Variants in ITPR2 observed in about 807,000 individuals in gnomAD.
ITPR2 encodes the protein inositol 1,4,5-trisphosphate-gated calcium channel ITPR2.
A neutral mutation model predicts 317.1 loss-of-function variants in ITPR2; 207 were observed. The ratio of observed to expected loss-of-function variants is 0.65; its 90% CI spans 0.58 to 0.73. The LOEUF (loss-of-function observed/expected upper bound fraction) is 0.73. Ranked by LOEUF, ITPR2 falls within the 30% of genes least tolerant of loss-of-function variation. The pLI, the probability that ITPR2 is intolerant of heterozygous loss-of-function variation, is 0.00. For synonymous variants in ITPR2, 1,156 were observed against 1,149.1 expected (o/e 1.01, Z -0.12); for missense variants, 2,613 against 3,284.0 (o/e 0.80, Z 4.99).
chr12:26,826,674 G>C (rs909892648), intron 1 of ITPR2, among the ~76,000 whole-genome samples: 1 of 152,158 alleles, frequency 6.6e-6, no homozygotes, highest in Non-Finnish European at 1.5e-5. Context: ...TTAACTTCTA[G>C]GTGTTGGTTC....
intron 2 of ITPR2, among the ~76,000 whole-genome samples, chr12:26,782,031 TATGTATAG>T (rs1278613596): frequency 4.0e-3 from 84 of 20,894 alleles, no homozygotes; most frequent in East Asian, 8.6e-3. Flanking sequence ...TATATATATA[TATGTATAG>T]AGAGAGAGAG....
chr12:26,590,800 T>A (rs955008191), intron 32 of ITPR2, among the ~76,000 whole-genome samples: 2 of 151,932 alleles, frequency 1.3e-5, no homozygotes, highest in Non-Finnish European at 1.5e-5. Context: ...AGGCTTCAGG[T>A]CGGGCACAGT....
intron 5 of ITPR2, chr12:26,721,257 C>T: frequency 1.9e-6 from 1 of 524,194 alleles, no homozygotes; most frequent in East Asian, 3.0e-5. Context: ...CATCACATTC[C>T]TGCATGCCAT....
chr12:26,531,283 T>G (rs1242615771), intron 37 of ITPR2, among the ~76,000 whole-genome samples: 1 of 152,212 alleles, frequency 6.6e-6, no homozygotes, highest in Non-Finnish European at 1.5e-5. Flanking sequence ...TTTCAATAAA[T>G]GTACTGAGGG....
chr12:26,784,490 G>A (rs1950172863), intron 2 of ITPR2, among the ~76,000 whole-genome samples: 1 of 150,968 alleles, frequency 6.6e-6, no homozygotes, highest in South Asian at 2.1e-4. Context: ...GCCTGCGCAC[G>A]CCGCCACGCC....
At chr12:26,569,690 T>A (rs1453218648) in intron 34 of ITPR2, among the ~76,000 whole-genome samples, 2 of 151,964 alleles carry the variant, frequency 1.3e-5, no homozygotes, top group East Asian at 3.8e-4. Flanking sequence ...GCACAAGAAG[T>A]GACAGTTCAC....
rs78538669 is a variant in ITPR2 at position 26,378,173 on chromosome 12, T to A, written c.7857+9261A>T. 9.9e-4 allele frequency among the ~76,000 whole-genome samples: 150 copies of A among 152,102 alleles called. 4 individuals carry two copies. The East Asian group carries it at 0.028, about 29-fold the overall frequency. ...TACTGATGAAGAATAAACACTCCAA[T>A]AAATATAAAAACAATTTAAGGTCAG... On this transcript the variant is annotated intron_variant, in intron 55 of 56. Coordinates refer to ENST00000381340, the MANE Select transcript of ITPR2 (RefSeq NM_002223.4).
At chr12:26,378,305 A>G (rs575793710) in intron 55 of ITPR2, among the ~76,000 whole-genome samples, 1 of 152,202 alleles carries the variant, frequency 6.6e-6, no homozygotes, top group East Asian at 1.9e-4. Flanking sequence ...CCATGACTGC[A>G]AAGAGCCAGA....
At chr12:26,688,791 A>G (rs1432729673) in intron 10 of ITPR2, among the ~76,000 whole-genome samples, 1 of 152,170 alleles carries the variant, frequency 6.6e-6, no homozygotes, top group African/African-American at 2.4e-5. Context: ...TCTTCTGAAA[A>G]AGTTATCTTG....
chr12:26,774,208 G>C (rs796584695), intron 2 of ITPR2, among the ~76,000 whole-genome samples: 28 of 152,004 alleles, frequency 1.8e-4, no homozygotes, highest in African/African-American at 6.7e-4. Flanking sequence ...TAGAATTTAA[G>C]ACTATAACAA....
chr12:26,668,290 C>T (rs1592016250), intron 13 of ITPR2, among the ~76,000 whole-genome samples: 1 of 152,192 alleles, frequency 6.6e-6, no homozygotes, highest in Non-Finnish European at 1.5e-5. Flanking sequence ...CATATGGCTT[C>T]TCTAACCTCT....
At chr12:26,587,052 CT>C (rs1945547143) in intron 32 of ITPR2, among the ~76,000 whole-genome samples, 1 of 151,530 alleles carries the variant, frequency 6.6e-6, no homozygotes, top group Non-Finnish European at 1.5e-5. Flanking sequence ...CTATTTCTGG[CT>C]ATTCATTTCA....
intron 32 of ITPR2, among the ~76,000 whole-genome samples, chr12:26,586,272 G>T (rs563829849): frequency 6.6e-6 from 1 of 152,076 alleles, no homozygotes; most frequent in South Asian, 2.1e-4. Context: ...GGTGTCCCTA[G>T]TAGCTGGGAC....
intron 34 of ITPR2, among the ~76,000 whole-genome samples, chr12:26,571,730 T>C (rs1334438882): frequency 1.3e-5 from 2 of 152,236 alleles, no homozygotes; most frequent in African/African-American, 2.4e-5. Context: ...TTTCCCCATC[T>C]ATAAAATGGA....
At chr12:26,503,531 C>T (rs768216559) in intron 37 of ITPR2, among the ~76,000 whole-genome samples, 8 of 152,090 alleles carry the variant, frequency 5.3e-5, no homozygotes, top group Non-Finnish European at 8.8e-5. Context: ...TGAATGCTCC[C>T]GGCATTGGCA....
At chr12:26,544,782 A>G (rs1396852240) in intron 37 of ITPR2, among the ~76,000 whole-genome samples, 1 of 152,068 alleles carries the variant, frequency 6.6e-6, no homozygotes, top group Non-Finnish European at 1.5e-5. Flanking sequence ...TTTAATTCTG[A>G]TAAATCTCCT....
intron 45 of ITPR2, among the ~76,000 whole-genome samples, chr12:26,449,693 T>G (rs1169338444): frequency 6.6e-6 from 1 of 152,042 alleles, no homozygotes; most frequent in Non-Finnish European, 1.5e-5. Flanking sequence ...AAGGATGGCA[T>G]GAGGAAGTGA....
chr12:26,568,874 TATTAA>T (rs1945079999), intron 34 of ITPR2, among the ~76,000 whole-genome samples: 1 of 152,216 alleles, frequency 6.6e-6, no homozygotes, highest in African/African-American at 2.4e-5. Context: ...ACATCAAATA[TATTAA>T]ATTCATCTTT....
At chr12:26,522,750 T>G (rs1316765584) in intron 37 of ITPR2, among the ~76,000 whole-genome samples, 2 of 152,036 alleles carry the variant, frequency 1.3e-5, no homozygotes, top group Non-Finnish European at 2.9e-5. Flanking sequence ...AATAATCTAC[T>G]CACATCAAAA....
Sources: gnomAD v4.1 joint callset for allele counts (sites outside exome capture counted in the v4.1 genomes callset) on GRCh38, gnomAD v4.1.1 for gene constraint, MANE v1.5 for transcripts, NCBI Gene and HGNC (gene_info 2026-07-23, HGNC 2026-07-21) for gene names.